Variants in DOCK10 observed in about 807,000 individuals in gnomAD.
DOCK10 encodes dedicator of cytokinesis 10, also known as dedicator of cytokinesis protein 10.
A neutral mutation model predicts 280.1 loss-of-function variants in DOCK10; 145 were observed. That is an observed-to-expected ratio of 0.52 (90% CI 0.45 to 0.59). The LOEUF is 0.59. Ranked by LOEUF, DOCK10 falls within the 20% of genes least tolerant of loss-of-function variation. The probability of loss-of-function intolerance (pLI) is 0.00; values close to 1 mark genes in which losing one functional copy is unlikely to be tolerated. For synonymous variants in DOCK10, 915 were observed against 942.2 expected, an observed-to-expected ratio of 0.97 and a Z score of 0.53; for missense variants, 2,368 against 2,651.7, an observed-to-expected ratio of 0.89 and a Z score of 2.35.
intron 50 of DOCK10, among the ~76,000 whole-genome samples, chr2:224,783,325 A>T (rs1691489196): frequency 6.7e-6 from 1 of 149,002 alleles, no homozygotes; most frequent in African/African-American, 2.5e-5. Context: ...CCCAGGCTGG[A>T]GTGCAGTGGC....
chr2:224,924,440 C>T lies in DOCK10; in HGVS notation c.243+7109G>A, dbSNP rs138550497. Among the ~76,000 whole-genome samples the T allele has an allele frequency of 3.9e-5, 6 of 152,268 alleles. No homozygotes were observed. In the South Asian group the frequency reaches 1.0e-3, roughly 26 times the overall value. Reference sequence around the variant, plus strand: ...TTGCCTATTTTGAACATTTCCTATACGTGGACTATATGGTCTTTTGGGACT... The same window carrying T: ...TTGCCTATTTTGAACATTTCCTATATGTGGACTATATGGTCTTTTGGGACT... On this transcript the variant is annotated intron_variant, in intron 2 of 55. Transcript: ENST00000258390.
intron 14 of DOCK10, chr2:224,862,399 G>T (rs1697566180): frequency 1.0e-5 from 3 of 296,162 alleles, no homozygotes; most frequent in Non-Finnish European, 1.2e-5. Context: ...ACATTGATTT[G>T]ATATCTACCA....
intron 1 of DOCK10, among the ~76,000 whole-genome samples, chr2:225,007,600 G>A (rs1301717427): frequency 6.6e-6 from 1 of 152,126 alleles, no homozygotes; most frequent in Non-Finnish European, 1.5e-5. Flanking sequence ...AACCTGATGA[G>A]GAATCTAATA....
chr2:224,924,679 T>C (rs1701960243), intron 2 of DOCK10, among the ~76,000 whole-genome samples: 1 of 152,214 alleles, frequency 6.6e-6, no homozygotes, highest in Non-Finnish European at 1.5e-5. Flanking sequence ...TGTCCAAGTC[T>C]GGTGTGGACA....
intron 1 of DOCK10, among the ~76,000 whole-genome samples, chr2:224,976,695 A>AG (rs958321811): frequency 1.2e-4 from 18 of 151,726 alleles, no homozygotes; most frequent in African/African-American, 4.1e-4. Context: ...AAAAAAAAAA[A>AG]AAAAGGTTCC....
At chr2:224,956,670 GTTAAAGACA>G (rs1242883184) in intron 1 of DOCK10, among the ~76,000 whole-genome samples, 1 of 146,462 alleles carries the variant, frequency 6.8e-6, no homozygotes, top group Non-Finnish European at 1.5e-5. Flanking sequence ...AGTGATGCCT[GTTAAAGACA>G]CTACACAGAC....
chr2:225,006,540 C>T (rs1484048247), intron 1 of DOCK10, among the ~76,000 whole-genome samples: 2 of 152,088 alleles, frequency 1.3e-5, no homozygotes, highest in African/African-American at 2.4e-5. Flanking sequence ...TTTTCAAAGA[C>T]CAGTTCAAAG....
chr2:224,778,055 C>T (rs1690999645), intron 51 of DOCK10, 83 bp downstream of exon 51: 7 of 1,378,904 alleles, frequency 5.1e-6, no homozygotes, highest in Non-Finnish European at 6.9e-6. Context: ...CATCGTCAGG[C>T]AGAAAATGAA....
chr2:224,917,610 G>A (rs982387776), intron 2 of DOCK10, among the ~76,000 whole-genome samples: 1 of 152,006 alleles, frequency 6.6e-6, no homozygotes, highest in Non-Finnish European at 1.5e-5. Flanking sequence ...GAAAAAAATA[G>A]GTTGTGTTTT....
intron 3 of DOCK10, among the ~76,000 whole-genome samples, chr2:224,913,200 T>C (rs16866338): frequency 0.01 from 1,586 of 152,324 alleles, 32 homozygotes; most frequent in African/African-American, 0.036. Context: ...ATGAATTACA[T>C]TTCAAAAGTT....
chr2:224,966,609 C>T (rs568166988), intron 1 of DOCK10, among the ~76,000 whole-genome samples: 10 of 152,042 alleles, frequency 6.6e-5, no homozygotes, highest in South Asian at 2.1e-4. Context: ...TGTCAATATG[C>T]GAATCATAAA....
chr2:225,035,589 A>ATAT (rs1690235778), intron 1 of DOCK10, among the ~76,000 whole-genome samples: 1 of 70,630 alleles, frequency 1.4e-5, no homozygotes, highest in Non-Finnish European at 3.1e-5. Context: ...TATATATATA[A>ATAT]CACTGAATCA....
At position 224,805,519 on chromosome 2, in the gene DOCK10, T is replaced by G; in HGVS notation, c.3825A>C (p.Ser1275=). The change falls in exon 35 of 56, where the codon TCA becomes TCC. Residue 1275 remains serine (S), a synonymous_variant. Coordinates refer to ENST00000258390, the MANE Select transcript of DOCK10 (RefSeq NM_014689.3). The surrounding 1 kb of genome is among the most constrained non-coding windows in gnomAD (Gnocchi z 4.3). ...CATGGTTTACTGTAGAAATAGCTAT[T>G]GATGAAAATGCTGTAAACACAAGCC... The part of the protein sequence containing the change: ...DVLNSIAAFS[S]IAISTVNHAD... The G allele has an allele frequency of 6.2e-7, 1 of 1,612,220 alleles. No individual in the cohort carries two copies. Among genetic ancestry groups the G allele is most frequent in the Non-Finnish European group, 8.5e-7 (1 of 1,178,842 alleles).
At chr2:224,785,759 G>A (rs190838255) in intron 50 of DOCK10, among the ~76,000 whole-genome samples, 6 of 152,304 alleles carry the variant, frequency 3.9e-5, no homozygotes, top group South Asian at 2.1e-4. Context: ...GATTACAGGC[G>A]TGAGCCATGG....
At chr2:224,797,552 A>G (rs1026150176) in intron 42 of DOCK10, among the ~76,000 whole-genome samples, 3 of 152,134 alleles carry the variant, frequency 2.0e-5, no homozygotes, top group African/African-American at 7.2e-5. Context: ...CAAGGGGTGC[A>G]TTTTACCTAA....
chr2:224,789,763 C>T (rs908255345), intron 47 of DOCK10, among the ~76,000 whole-genome samples: 1 of 147,928 alleles, frequency 6.8e-6, no homozygotes, highest in African/African-American at 2.5e-5. Flanking sequence ...CCCAAAAAGA[C>T]AAGACAATGC....
intron 1 of DOCK10, among the ~76,000 whole-genome samples, chr2:225,041,090 C>A (rs1161489552): frequency 1.3e-5 from 2 of 152,170 alleles, no homozygotes; most frequent in African/African-American, 4.8e-5. Flanking sequence ...CTTCCCTCTG[C>A]CAGGCAATTT....
intron 51 of DOCK10, among the ~76,000 whole-genome samples, chr2:224,777,308 C>T (rs77938720): frequency 3.9e-5 from 6 of 152,036 alleles, no homozygotes; most frequent in East Asian, 1.9e-4. Flanking sequence ...TGGGTGTGTC[C>T]GTGAGGGTGT....
chr2:224,815,172 T>G (rs983904126), intron 30 of DOCK10, among the ~76,000 whole-genome samples: 1 of 152,144 alleles, frequency 6.6e-6, no homozygotes, highest in South Asian at 2.1e-4. Context: ...GGTTTTAAAG[T>G]GTGGCACTTC....
Sources: gnomAD v4.1 joint callset for allele counts (sites outside exome capture counted in the v4.1 genomes callset) on GRCh38, gnomAD v4.1.1 for gene constraint, Gnocchi (gnomAD v3.1) non-coding constraint, MANE v1.5 for transcripts, NCBI Gene and HGNC (gene_info 2026-07-23, HGNC 2026-07-21) for gene names.